The following MBOAT1 variants were observed in gnomAD, a reference collection of about 807,000 sequenced individuals.
MBOAT1 encodes the protein membrane bound glycerophospholipid O-acyltransferase 1, also known as membrane-bound glycerophospholipid O-acyltransferase 1.
A neutral mutation model predicts 64.4 loss-of-function variants in MBOAT1; 67 were observed. That is an observed-to-expected ratio of 1.04 (90% CI 0.85 to 1.27). The LOEUF is 1.27. Among genes scored for constraint, MBOAT1 ranks in the 50% most tolerant of loss-of-function variants. The pLI is 0.00. For missense variants in MBOAT1, 563 were observed against 604.6 expected, an observed-to-expected ratio of 0.93 and a Z score of 0.72; for synonymous variants, 229 against 218.9, an observed-to-expected ratio of 1.05 and a Z score of -0.41.
rs532049512 is a variant in MBOAT1 at position 20,175,799 on chromosome 6, T to C, written c.100-23030A>G. Among the ~76,000 whole-genome samples the C allele has an allele frequency of 1.2e-3, 180 of 152,114 alleles. 1 individual carries two copies. Among genetic ancestry groups the C allele is most frequent in the South Asian group, 7.7e-3 (37 of 4,818 alleles). On this transcript the variant is annotated intron_variant, in intron 1 of 12. Transcript: ENST00000324607. ...TTTATTTTTTTGTAGAGACTGGATC[T>C]CACTAAGTTTCGTAGGCTGGTCTCT...
intron 1 of MBOAT1, among the ~76,000 whole-genome samples, chr6:20,177,164 C>G (rs193158289): frequency 1.8e-3 from 268 of 152,256 alleles, no homozygotes; most frequent in Non-Finnish European, 3.1e-3. Context: ...TAGGCCAGAA[C>G]TTTGTCACCT....
chr6:20,178,650 GTTA>G (rs1292742027), intron 1 of MBOAT1, among the ~76,000 whole-genome samples: 1 of 152,028 alleles, frequency 6.6e-6, no homozygotes, highest in East Asian at 1.9e-4. Flanking sequence ...AAAATTAATA[GTTA>G]TTGTTATTGT....
chr6:20,167,177 G>A (rs543808948), intron 1 of MBOAT1, among the ~76,000 whole-genome samples: 6 of 152,182 alleles, frequency 3.9e-5, no homozygotes, highest in African/African-American at 7.2e-5. Context: ...TTACTCAACC[G>A]TTCTGCAACT....
intron 11 of MBOAT1, among the ~76,000 whole-genome samples, chr6:20,111,835 CACATATATAT>C (rs1387125867): frequency 1.2e-5 from 1 of 86,788 alleles, no homozygotes; most frequent in Admixed American, 1.3e-4. Flanking sequence ...CATATATATA[CACATATATAT>C]ACATATATAT....
At chr6:20,129,815 A>C (rs1328984912) in intron 5 of MBOAT1, among the ~76,000 whole-genome samples, 1 of 152,206 alleles carries the variant, frequency 6.6e-6, no homozygotes, top group Non-Finnish European at 1.5e-5. Context: ...GGGACTTTCC[A>C]GCTACAAATA....
intron 10 of MBOAT1, among the ~76,000 whole-genome samples, chr6:20,113,713 T>A (rs1435647580): frequency 1.3e-5 from 2 of 149,886 alleles, no homozygotes; most frequent in African/African-American, 2.5e-5. Context: ...GACAGGGAAT[T>A]CCCCCCCAAA....
intron 11 of MBOAT1, among the ~76,000 whole-genome samples, chr6:20,110,892 G>A (rs1234246301): frequency 6.6e-6 from 1 of 152,100 alleles, no homozygotes. Context: ...ATAAATCTCT[G>A]CTCTGTTTCC....
At chr6:20,167,196 A>ATTTTCAGT (rs913033345) in intron 1 of MBOAT1, among the ~76,000 whole-genome samples, 2 of 152,132 alleles carry the variant, frequency 1.3e-5, no homozygotes, top group African/African-American at 4.8e-5. Context: ...CTTCCAAGTT[A>ATTTTCAGT]TTTTCAGTTT....
chr6:20,200,120 T>C (rs1763079068), intron 1 of MBOAT1, among the ~76,000 whole-genome samples: 1 of 152,180 alleles, frequency 6.6e-6, no homozygotes, highest in South Asian at 2.1e-4. Flanking sequence ...TTGCAAGATC[T>C]TTCTGCCAGA....
At chr6:20,179,264 T>C (rs1762440809) in intron 1 of MBOAT1, among the ~76,000 whole-genome samples, 1 of 152,172 alleles carries the variant, frequency 6.6e-6, no homozygotes, top group Non-Finnish European at 1.5e-5. Context: ...CTGAGGTGCT[T>C]AGGCTGCATG....
At chr6:20,199,697 C>T (rs565810850) in intron 1 of MBOAT1, among the ~76,000 whole-genome samples, 19 of 152,248 alleles carry the variant, frequency 1.2e-4, no homozygotes, top group Non-Finnish European at 2.4e-4. Flanking sequence ...GGGCCAGGTG[C>T]GGTGGCTCAC....
In MBOAT1 at chr6:20,151,137, C is replaced by T. The variant is rs1561764977; in HGVS notation, c.323+48G>A. The stretch of plus-strand genomic sequence containing the variant: ...CACTGGAAATATATTTCAAAGATCA[C>T]AAAAAAAAGAAAATCTCACCTTGCA... On this transcript the variant is annotated intron_variant, in intron 3 of 12. Transcript: ENST00000324607. The T allele has an allele frequency of 7.2e-6, 10 of 1,393,018 alleles. No homozygotes were observed. In the South Asian group the frequency reaches 1.1e-4, roughly 15 times the overall value. 86.3% of individuals were successfully genotyped at this position (1,393,018 alleles called of 1,614,324 possible).
At chr6:20,209,897 C>T (rs2113781738) in intron 1 of MBOAT1, among the ~76,000 whole-genome samples, 1 of 152,314 alleles carries the variant, frequency 6.6e-6, no homozygotes, top group South Asian at 2.1e-4. Context: ...GGTTCTCTCT[C>T]TGATTCTTCA....
intron 1 of MBOAT1, among the ~76,000 whole-genome samples, chr6:20,202,679 C>T: frequency 6.6e-6 from 1 of 151,314 alleles, no homozygotes; most frequent in East Asian, 1.9e-4. Context: ...CAGATAGTTA[C>T]ATTTCTTAAG....
At chr6:20,150,025 G>C (rs1424572681) in intron 3 of MBOAT1, among the ~76,000 whole-genome samples, 1 of 152,190 alleles carries the variant, frequency 6.6e-6, no homozygotes, top group Non-Finnish European at 1.5e-5. Context: ...CAGTGAAAGA[G>C]AGAGAGAGAA....
intron 1 of MBOAT1, among the ~76,000 whole-genome samples, chr6:20,183,116 C>T (rs1364945009): frequency 6.6e-6 from 1 of 152,170 alleles, no homozygotes; most frequent in African/African-American, 2.4e-5. Flanking sequence ...TCCTCTGCGT[C>T]ACCTCCCCTT....
chr6:20,107,252 T>G (rs1170760122), intron 12 of MBOAT1, among the ~76,000 whole-genome samples: 1 of 152,154 alleles, frequency 6.6e-6, no homozygotes, highest in East Asian at 1.9e-4. Flanking sequence ...TCCCTCCACC[T>G]TGGATTCTAT....
intron 3 of MBOAT1, 106 bp downstream of exon 3, chr6:20,151,079 C>T (rs1301508855): frequency 2.6e-6 from 2 of 773,390 alleles, no homozygotes; most frequent in Non-Finnish European, 4.3e-6. Context: ...CTAAGATATA[C>T]CACTTGTGGA....
chr6:20,111,835 C>CATATATAT, intron 11 of MBOAT1, among the ~76,000 whole-genome samples: 3,112 of 85,642 alleles, frequency 0.036, 25 homozygotes, highest in East Asian at 0.092. Context: ...CATATATATA[C>CATATATAT]ACATATATAT....
Sources: gnomAD v4.1 joint callset for allele counts (sites outside exome capture counted in the v4.1 genomes callset) on GRCh38, gnomAD v4.1.1 for gene constraint, MANE v1.5 for transcripts, NCBI Gene and HGNC (gene_info 2026-07-23, HGNC 2026-07-21) for gene names.